Variants in TG observed in about 807,000 individuals in gnomAD.
The protein encoded by TG is thyroglobulin.
In TG, 270 loss-of-function variants were observed where a neutral mutation model predicts 324.7. The ratio of observed to expected loss-of-function variants is 0.83; its 90% CI spans 0.75 to 0.92. The LOEUF (loss-of-function observed/expected upper bound fraction) is 0.92. Among genes scored for constraint, TG ranks in the 40% least tolerant of loss-of-function variants. TG has a pLI of 0.00. For missense variants in TG, 3,591 were observed against 3,456.4 expected (o/e 1.04, Z -0.98); for synonymous variants, 1,401 against 1,327.0 (o/e 1.06, Z -1.21).
At chr8:133,114,421 C>T (rs1850527881) in intron 44 of TG, among the ~76,000 whole-genome samples, 1 of 152,208 alleles carries the variant, frequency 6.6e-6, no homozygotes, top group South Asian at 2.1e-4. Flanking sequence ...GACAGACCTG[C>T]CTCCCTCTCC....
intron 41 of TG, among the ~76,000 whole-genome samples, chr8:133,091,217 A>T (rs1013772443): frequency 6.6e-6 from 1 of 152,028 alleles, no homozygotes; most frequent in Non-Finnish European, 1.5e-5. Flanking sequence ...GTAGGAATTA[A>T]CTCCTCGATT....
intron 34 of TG, among the ~76,000 whole-genome samples, chr8:132,976,681 T>G (rs570464550): frequency 1.1e-4 from 16 of 152,288 alleles, no homozygotes; most frequent in African/African-American, 3.8e-4. Flanking sequence ...CCATGGCCCC[T>G]GAACAGAAAA....
At chr8:132,898,965 A>G (rs1014162433) in intron 14 of TG, 55 bp downstream of exon 14, 2 of 1,473,836 alleles carry the variant, frequency 1.4e-6, no homozygotes, top group Non-Finnish European at 1.9e-6. Flanking sequence ...CTGGTCAGAG[A>G]TGATTTTTCT....
At chr8:132,885,137 G>GC (rs976173713) in intron 8 of TG, among the ~76,000 whole-genome samples, 6 of 150,788 alleles carry the variant, frequency 4.0e-5, no homozygotes, top group Non-Finnish European at 8.8e-5. Context: ...GTTGGGGGGG[G>GC]GGCGTGGTGG....
intron 41 of TG, chr8:133,090,247 G>A (rs1447870013): frequency 6.6e-6 from 1 of 152,232 alleles, no homozygotes; most frequent in East Asian, 1.9e-4. Context: ...CAGTGGTCTG[G>A]TGAGGGCTTA....
At chr8:132,888,771 G>A (rs992142653) in intron 10 of TG, among the ~76,000 whole-genome samples, 1 of 152,170 alleles carries the variant, frequency 6.6e-6, no homozygotes, top group African/African-American at 2.4e-5. Flanking sequence ...TGGCAAGATT[G>A]ATAGAGTATA....
At chr8:132,873,709 T>G (rs1201455046) in intron 5 of TG, among the ~76,000 whole-genome samples, 2 of 152,192 alleles carry the variant, frequency 1.3e-5, no homozygotes, top group Non-Finnish European at 2.9e-5. Flanking sequence ...TATGCTTAAA[T>G]TTTTAAAGAA....
chr8:132,886,442 A>C lies in TG; in HGVS notation c.1076-6A>C, dbSNP rs776386100. On this transcript the variant is annotated splice_region_variant and splice_polypyrimidine_tract_variant and intron_variant, in intron 8 of 47. Transcript: ENST00000220616. Reference sequence around the variant, plus strand: ...CTTTTCTCCCATTTCACTTTGTCTCATGCAGCTGAAGGCCAATCTTGTGCC... The same window carrying C: ...CTTTTCTCCCATTTCACTTTGTCTCCTGCAGCTGAAGGCCAATCTTGTGCC... 1.2e-6 allele frequency: 2 copies of C among 1,614,146 alleles called. No individual in the cohort carries two copies. The highest frequency in any genetic ancestry group is 1.1e-5 in the South Asian group (1 of 91,088).
At chr8:133,110,256 C>A (rs1408659152) in intron 43 of TG, among the ~76,000 whole-genome samples, 3 of 152,142 alleles carry the variant, frequency 2.0e-5, no homozygotes, top group Admixed American at 2.0e-4. Context: ...ATCATGGATT[C>A]CTTCTTTATA....
rs773601393 is a variant in TG at position 133,095,205 on chromosome 8, C to G, written c.7401C>G (p.Thr2467=). The G allele has an allele frequency of 5.6e-6, 9 of 1,614,072 alleles. No individual in the cohort carries two copies. Among genetic ancestry groups the G allele is most frequent in the Non-Finnish European group, 7.6e-6 (9 of 1,180,022 alleles). ...CCAATGTCCTCAATGATGCCCAGAC[C>G]AAGGTGAGCACTTAAGTGCAAGTTG... is the stretch of plus-strand genomic sequence containing the variant. ...KPANVLNDAQ[T]KLLAVSGPFH... is the part of the protein sequence containing the mutation. The change falls in exon 42 of 48, where the codon ACC becomes ACG. Residue 2467 remains threonine (T), a synonymous_variant. Transcript: ENST00000220616.
chr8:133,000,993 C>T (rs893297263), intron 35 of TG, among the ~76,000 whole-genome samples: 1 of 152,138 alleles, frequency 6.6e-6, no homozygotes, highest in African/African-American at 2.4e-5. Context: ...TGTCCCCAGC[C>T]TCTCCCCTTG....
At chr8:133,102,890 G>C in intron 43 of TG, 1 of 334,124 alleles carries the variant, frequency 3.0e-6, no homozygotes, top group East Asian at 7.2e-5. Flanking sequence ...AGCAGGTGGA[G>C]TGGGGGCCCT....
chr8:132,963,466 C>A (rs1443545527), intron 29 of TG, among the ~76,000 whole-genome samples: 1 of 152,144 alleles, frequency 6.6e-6, no homozygotes, highest in Non-Finnish European at 1.5e-5. Flanking sequence ...CTGTGAGAAT[C>A]TTTTGCATGT....
At chr8:132,913,891 G>A (rs957135203) in intron 20 of TG, among the ~76,000 whole-genome samples, 1 of 152,212 alleles carries the variant, frequency 6.6e-6, no homozygotes, top group African/African-American at 2.4e-5. Context: ...AAACTGAGCT[G>A]TTGGCAGGGC....
chr8:133,112,676 T>C (rs530350149), intron 43 of TG, among the ~76,000 whole-genome samples: 122 of 152,314 alleles, frequency 8.0e-4, no homozygotes, highest in Non-Finnish European at 1.5e-3. Flanking sequence ...TGCGCCCATC[T>C]GGACACACAT....
intron 41 of TG, chr8:133,050,838 C>A (rs1412412835): frequency 6.2e-7 from 1 of 1,612,292 alleles, no homozygotes. Flanking sequence ...CGCAGTTTCT[C>A]CCCTCGGCGG....
intron 34 of TG, among the ~76,000 whole-genome samples, chr8:132,978,422 G>A (rs970629107): frequency 1.3e-5 from 2 of 152,110 alleles, no homozygotes; most frequent in Non-Finnish European, 2.9e-5. Context: ...GAGATTTGGA[G>A]GGGACACACC....
chr8:133,039,161 G>C, intron 41 of TG, among the ~76,000 whole-genome samples: 1 of 152,188 alleles, frequency 6.6e-6, no homozygotes, highest in East Asian at 1.9e-4. Flanking sequence ...TTACAGGCGT[G>C]AGCCACCGCG....
chr8:133,018,529 GTT>G (rs5895169), intron 38 of TG, among the ~76,000 whole-genome samples: 3,589 of 147,748 alleles, frequency 0.024, 125 homozygotes, highest in African/African-American at 0.08. Context: ...AAAATTACAA[GTT>G]TTTTTTTTTT....
Sources: gnomAD v4.1 joint callset for allele counts (sites outside exome capture counted in the v4.1 genomes callset) on GRCh38, gnomAD v4.1.1 for gene constraint, MANE v1.5 for transcripts, NCBI Gene and HGNC (gene_info 2026-07-23, HGNC 2026-07-21) for gene names.